The following UNC93A variants were observed in gnomAD, a reference collection of about 807,000 sequenced individuals.
The protein encoded by UNC93A is unc-93 homolog A, also known as N-acetylglucosamine transporter UNC93A.
UNC93A carries 43 observed loss-of-function variants against 47.5 expected under a neutral mutation model. The observed-to-expected ratio is 0.91, with a 90% CI of 0.71 to 1.17. The LOEUF is 1.17. Among genes scored for constraint, UNC93A ranks in the 50% most tolerant of loss-of-function variants. The pLI is 0.00. For synonymous variants in UNC93A, 280 were observed against 258.0 expected (o/e 1.09, Z -0.82); for missense variants, 605 against 577.6 (o/e 1.05, Z -0.49).
chr6:167,294,762 C>G (rs1778003901), intron 2 of UNC93A, 64 bp downstream of exon 2: 3 of 1,511,982 alleles, frequency 2.0e-6, no homozygotes, highest in Admixed American at 3.7e-5. Context: ...GACGTTCACT[C>G]TGCACATGAG....
chr6:167,303,923 TG>T lies in UNC93A; in HGVS notation c.632del (p.Gly211ValfsTer6). ...YTLLGIYTGS[G>X]VLAVLMIAAF... is the part of the protein sequence containing the mutation. ...GCCTTTGCTATGTCCTTTCAGGGAG[TG>T]GTGTCCTGGCTGTCCTGATGATAGC... is the stretch of plus-strand genomic sequence containing the variant. On this transcript the variant is annotated frameshift_variant, in exon 5 of 8. Coordinates refer to ENST00000230256, the MANE Select transcript of UNC93A (RefSeq NM_018974.4). LOFTEE classifies it high-confidence loss of function. 3.7e-6 allele frequency: 6 copies of T among 1,613,082 alleles called. No homozygotes were observed. The highest frequency in any genetic ancestry group is 5.1e-6 in the Non-Finnish European group (6 of 1,179,840).
At position 167,307,913 on chromosome 6, in the gene UNC93A, G is replaced by A. The variant is rs1414241629; in HGVS notation, c.1108+3G>A. The A allele has an allele frequency of 6.8e-6, 11 of 1,613,364 alleles. No individual in the cohort carries two copies. Among genetic ancestry groups the A allele is most frequent in the Non-Finnish European group, 9.3e-6 (11 of 1,179,612 alleles). On this transcript the variant is annotated splice_donor_region_variant and intron_variant, in intron 7 of 7. Coordinates refer to ENST00000230256, the MANE Select transcript of UNC93A (RefSeq NM_018974.4). Reference sequence around the variant, plus strand: ...CGTCTGGCAGACACAAAACAATGGTGAGTCCCCAGCCCAGGCCCCTTCCTC... The same window carrying A: ...CGTCTGGCAGACACAAAACAATGGTAAGTCCCCAGCCCAGGCCCCTTCCTC...
intron 6 of UNC93A, among the ~76,000 whole-genome samples, chr6:167,306,764 A>G (rs971404400): frequency 6.6e-6 from 1 of 152,190 alleles, no homozygotes; most frequent in African/African-American, 2.4e-5. Context: ...ATAGGAGATC[A>G]TGGAGTGCAG....
upstream of UNC93A, among the ~76,000 whole-genome samples, chr6:167,269,074 C>G (rs1347052244): frequency 1.3e-5 from 2 of 152,182 alleles, no homozygotes; most frequent in Non-Finnish European, 2.9e-5. Flanking sequence ...CTGGAGGGGC[C>G]CCAATGTGTG....
At position 167,284,209 on chromosome 6, in the gene UNC93A, G is replaced by A. The variant is rs1303768759; in HGVS notation, c.-51-7230G>A. Among the ~76,000 whole-genome samples the A allele has an allele frequency of 5.3e-5, 8 of 151,724 alleles. 1 individual carries two copies. The highest frequency in any genetic ancestry group is 2.0e-4 in the African/African-American group (8 of 40,924). ...TTTTACCAGAACCCCATGGGTACGG[G>A]AGCACTTACAGACCCTCTACTGCAG... On this transcript the variant is annotated intron_variant, in intron 1 of 3. Transcript: ENST00000503433.
rs768267324 is a variant in UNC93A, at chr6:167,286,199, C to T, written c.-51-5240C>T. 9.2e-5 allele frequency among the ~76,000 whole-genome samples: 14 copies of T among 151,484 alleles called. 1 individual carries two copies. Among genetic ancestry groups the T allele is most frequent in the Non-Finnish European group, 2.9e-5 (2 of 68,008 alleles). On this transcript the variant is annotated intron_variant, in intron 1 of 3. Transcript: ENST00000503433. ...TGCTTGTCTTTATAAGATGTTCTCC[C>T]TTCATCATATCGAGTACCTTTCCAG...
At chr6:167,272,810 A>T (rs897742354) in intron 1 of UNC93A, among the ~76,000 whole-genome samples, 8 of 152,208 alleles carry the variant, frequency 5.3e-5, no homozygotes, top group Non-Finnish European at 1.2e-4. Flanking sequence ...TTATTTACAG[A>T]GGAAGCCTTC....
At chr6:167,287,999 C>T (rs1783770639), upstream of UNC93A, among the ~76,000 whole-genome samples, 2 of 152,176 alleles carry the variant, frequency 1.3e-5, no homozygotes, top group African/African-American at 4.8e-5. Context: ...ACGGTCTTGG[C>T]TGGGTGGTCA....
chr6:167,307,632 T>G, intron 6 of UNC93A, 147 bp from the exon 7 acceptor site: 33 of 928,350 alleles, frequency 3.6e-5, no homozygotes, highest in Non-Finnish European at 4.7e-5. Flanking sequence ...AGAGGACGGT[T>G]GAGATGGTTG....
Position 167,307,841 on chromosome 6 carries a change from CT to C in UNC93A, c.1040del (p.Leu347ArgfsTer72). ...LLLWRPRADH[L>X]AVFFVFSGLW... Reference sequence around the variant, plus strand: ...GCTGTGGAGACCTCGTGCTGACCATCTGGCAGTGTTCTTCGTATTCTCTGGC... The same window carrying C: ...GCTGTGGAGACCTCGTGCTGACCATCGGCAGTGTTCTTCGTATTCTCTGGC... On this transcript the variant is annotated frameshift_variant, in exon 7 of 8. Coordinates refer to ENST00000230256, the MANE Select transcript of UNC93A (RefSeq NM_018974.4). LOFTEE classifies it high-confidence loss of function. 1 of 1,614,098 alleles carries C rather than the reference CT, an allele frequency of 6.2e-7. No homozygotes were observed. Among genetic ancestry groups the C allele is most frequent in the Non-Finnish European group, 8.5e-7 (1 of 1,179,992 alleles).
At chr6:167,280,468 C>T (rs61334553) in intron 1 of UNC93A, among the ~76,000 whole-genome samples, 2,914 of 152,312 alleles carry the variant, frequency 0.019, 103 homozygotes, top group African/African-American at 0.067. Flanking sequence ...CTTGAGGTTT[C>T]TCTTCAAAGA....
At chr6:167,295,502 T>A (rs1408266200) in intron 2 of UNC93A, among the ~76,000 whole-genome samples, 2 of 85,834 alleles carry the variant, frequency 2.3e-5, no homozygotes, top group African/African-American at 8.1e-5. Flanking sequence ...TCCCTCGTGA[T>A]CCTCGCCTGC....
chr6:167,270,881 C>G (rs1004452925), upstream of UNC93A, among the ~76,000 whole-genome samples: 3 of 152,200 alleles, frequency 2.0e-5, no homozygotes, highest in African/African-American at 7.2e-5. Context: ...GACTCCCGGC[C>G]TCCAGGCTGG....
chr6:167,282,272 C>T (rs1445980479), intron 1 of UNC93A, among the ~76,000 whole-genome samples: 1 of 152,032 alleles, frequency 6.6e-6, no homozygotes, highest in Non-Finnish European at 1.5e-5. Flanking sequence ...GCTAGTCAAC[C>T]ATGAGAGAGA....
chr6:167,287,367 G>T (rs75873882), upstream of UNC93A, among the ~76,000 whole-genome samples: 1 of 152,140 alleles, frequency 6.6e-6, no homozygotes, highest in Admixed American at 6.5e-5. Flanking sequence ...TGTGGATAGC[G>T]TGTGTACCAC....
intron 1 of UNC93A, among the ~76,000 whole-genome samples, chr6:167,278,855 G>A (rs902469466): frequency 2.6e-5 from 4 of 152,064 alleles, no homozygotes; most frequent in African/African-American, 9.7e-5. Context: ...AACAGTTACA[G>A]AATCATCTAC....
At chr6:167,300,876 G>T (rs1382545699) in intron 4 of UNC93A, among the ~76,000 whole-genome samples, 3 of 152,196 alleles carry the variant, frequency 2.0e-5, no homozygotes, top group Non-Finnish European at 4.4e-5. Flanking sequence ...ATCTATAAAA[G>T]AACAGAATTT....
At chr6:167,274,100 TA>T (rs1396641303) in intron 1 of UNC93A, among the ~76,000 whole-genome samples, 1 of 152,208 alleles carries the variant, frequency 6.6e-6, no homozygotes, top group Non-Finnish European at 1.5e-5. Context: ...TATTTAGGGT[TA>T]AAATATTTGG....
intron 7 of UNC93A, 68 bp downstream of exon 7, chr6:167,307,978 G>C: frequency 6.3e-7 from 1 of 1,586,688 alleles, no homozygotes; most frequent in Non-Finnish European, 8.6e-7. Flanking sequence ...GGCAACTGTG[G>C]GGCTCATTAG....
Sources: allele counts gnomAD v4.1 joint callset (sites outside exome capture counted in the v4.1 genomes callset), GRCh38; gene constraint gnomAD v4.1.1; transcripts MANE v1.5; gene names NCBI Gene and HGNC (gene_info 2026-07-23, HGNC 2026-07-21).